The following SYNPO2 variants were observed in gnomAD, a reference collection of about 807,000 sequenced individuals.
SYNPO2 encodes the protein synaptopodin-2.
In SYNPO2, 56 loss-of-function variants were observed where a neutral mutation model predicts 85.0. That is an observed-to-expected ratio of 0.66 (90% CI 0.53 to 0.82). The LOEUF is 0.82. SYNPO2 is among the 40% of genes least tolerant of loss of function. SYNPO2 has a pLI of 0.00. For missense variants in SYNPO2, 1,575 were observed against 1,534.2 expected, an observed-to-expected ratio of 1.03 and a Z score of -0.44; for synonymous variants, 602 against 591.1, an observed-to-expected ratio of 1.02 and a Z score of -0.27.
chr4:118,887,576 T>C (rs551926849), upstream of SYNPO2, among the ~76,000 whole-genome samples: 2 of 152,312 alleles, frequency 1.3e-5, no homozygotes, highest in South Asian at 4.1e-4. Context: ...TCCATGATTA[T>C]CTTGTTTTTA....
intron 1 of SYNPO2, among the ~76,000 whole-genome samples, chr4:118,949,222 G>A (rs1339040055): frequency 6.6e-6 from 1 of 152,084 alleles, no homozygotes; most frequent in Admixed American, 6.5e-5. Context: ...ACAGTTATAC[G>A]GCAGATCCGA....
chr4:118,946,035 C>A (rs567948227), intron 1 of SYNPO2, among the ~76,000 whole-genome samples: 27 of 152,282 alleles, frequency 1.8e-4, no homozygotes, highest in Non-Finnish European at 3.4e-4. Flanking sequence ...TGAGCCACCA[C>A]GCCTGGCCAA....
Position 119,030,766 on chromosome 4 carries a change from C to G in SYNPO2, c.1991C>G (p.Ser664Cys), listed in dbSNP as rs1578660627. The change falls in exon 4 of 5, where the codon TCT becomes TGT. Residue 664 changes from serine (S) to cysteine (C), a missense_variant. Transcript: ENST00000307142. Reference protein sequence around the residue: ...PWSQPAFYDSSERIASRDERI... With the variant: ...PWSQPAFYDSCERIASRDERI... Reference sequence around the variant, plus strand: ...TCCCAGCCAGCCTTTTACGATTCGTCTGAGCGAATAGCTTCCCGAGATGAG... The same window carrying G: ...TCCCAGCCAGCCTTTTACGATTCGTGTGAGCGAATAGCTTCCCGAGATGAG... The G allele has an allele frequency of 6.2e-7, 1 of 1,614,178 alleles. No homozygotes were observed. Among genetic ancestry groups the G allele is most frequent in the Middle Eastern group, 1.6e-4 (1 of 6,062 alleles).
chr4:118,920,614 G>A (rs755181893), intron 1 of SYNPO2, among the ~76,000 whole-genome samples: 1 of 152,136 alleles, frequency 6.6e-6, no homozygotes, highest in Non-Finnish European at 1.5e-5. Context: ...AAACTGTAAA[G>A]TAATTTAACC....
chr4:119,011,164 C>T (rs1223139002), intron 1 of SYNPO2, among the ~76,000 whole-genome samples: 1 of 152,246 alleles, frequency 6.6e-6, no homozygotes, highest in Non-Finnish European at 1.5e-5. Flanking sequence ...TTGGAAATCA[C>T]TGCCACAGCC....
chr4:118,957,007 T>C (rs1417223328), intron 1 of SYNPO2, among the ~76,000 whole-genome samples: 6 of 151,454 alleles, frequency 4.0e-5, no homozygotes. Context: ...ATTGCACCAG[T>C]ACACTCCAGC....
At chr4:118,973,751 A>C (rs561522954) in intron 1 of SYNPO2, among the ~76,000 whole-genome samples, 1 of 152,132 alleles carries the variant, frequency 6.6e-6, no homozygotes, top group Admixed American at 6.5e-5. Flanking sequence ...TTTCCTAACC[A>C]CAATTTTGGA....
In SYNPO2 at chr4:118,959,271, G is replaced by T. The variant is rs527854257; in HGVS notation, c.106-64159G>T. Among the ~76,000 whole-genome samples, 3 of 152,284 alleles carry T rather than the reference G, an allele frequency of 2.0e-5. No homozygotes were observed. The South Asian group carries it at 6.2e-4, about 32-fold the overall frequency. On this transcript the variant is annotated intron_variant, in intron 1 of 4. Coordinates refer to ENST00000307142, the MANE Select transcript of SYNPO2 (RefSeq NM_133477.3). Reference sequence around the variant, plus strand: ...TTCACTGACCAATCACGGAGGTTTGGATCCTAAACTTAACTTTGAACGTTT... The same window carrying T: ...TTCACTGACCAATCACGGAGGTTTGTATCCTAAACTTAACTTTGAACGTTT...
chr4:119,009,576 A>G (rs962577058), intron 1 of SYNPO2, among the ~76,000 whole-genome samples: 1 of 152,152 alleles, frequency 6.6e-6, no homozygotes, highest in South Asian at 2.1e-4. Context: ...ATATTTTCCT[A>G]AAGTATTTTA....
chr4:118,851,441 T>C (rs11943114), intron 1 of SYNPO2, among the ~76,000 whole-genome samples: 82,376 of 151,166 alleles, frequency 0.54, 24,199 homozygotes, highest in African/African-American at 0.76. Flanking sequence ...GAGCCGAGAT[T>C]GCACCATTGC....
At chr4:118,999,431 C>T (rs533440159) in intron 1 of SYNPO2, among the ~76,000 whole-genome samples, 15 of 152,168 alleles carry the variant, frequency 9.9e-5, no homozygotes, top group East Asian at 1.9e-4. Flanking sequence ...GAATTATAGG[C>T]GTGAACCATG....
chr4:119,027,017 G>A lies in SYNPO2; in HGVS notation c.648G>A (p.Val216=), dbSNP rs1422092850. The change falls in exon 3 of 5, where the codon GTG becomes GTA. Residue 216 remains valine, a synonymous_variant. Coordinates refer to ENST00000307142, the MANE Select transcript of SYNPO2 (RefSeq NM_133477.3). ...ERHKGASGPL[V]ALPGAEKSKS... is the part of the protein sequence containing the mutation. ...ATAAGGGCGCTAGTGGCCCTTTAGTGGCTCTCCCGGGAGCTGAAAAATCTA... is the reference window on the plus strand; with the variant it reads ...ATAAGGGCGCTAGTGGCCCTTTAGTAGCTCTCCCGGGAGCTGAAAAATCTA... 9.9e-6 allele frequency: 16 copies of A among 1,614,152 alleles called. No homozygotes were observed. The highest frequency in any genetic ancestry group is 1.3e-5 in the Non-Finnish European group (15 of 1,180,028).
At chr4:118,908,709 A>T (rs1265480076) in intron 1 of SYNPO2, among the ~76,000 whole-genome samples, 1 of 152,176 alleles carries the variant, frequency 6.6e-6, no homozygotes, top group Non-Finnish European at 1.5e-5. Flanking sequence ...GGTTGTGCAC[A>T]TGATAAAGCC....
At chr4:118,881,984 C>G (rs1051884648) in intron 1 of SYNPO2, among the ~76,000 whole-genome samples, 1 of 152,180 alleles carries the variant, frequency 6.6e-6, no homozygotes, top group Non-Finnish European at 1.5e-5. Context: ...AAGTGTTTAT[C>G]CATCCTGTTG....
At position 119,027,437 on chromosome 4, in the gene SYNPO2, A is replaced by G. The variant is rs137938917; in HGVS notation, c.1068A>G (p.Ala356=). ...SRPHKHRARH[A]RLRRSESLSE... is the part of the protein sequence containing the mutation. ...CTCACAAGCACCGAGCGCGGCATGC[A>G]CGTAAGTTCTGCCTGGGCTTTCAGA... is the stretch of plus-strand genomic sequence containing the variant. Residue 356 remains alanine (A), a splice_region_variant and synonymous_variant, in exon 3 of 5, where the codon GCA becomes GCG. Coordinates refer to ENST00000307142, the MANE Select transcript of SYNPO2 (RefSeq NM_133477.3). 14 of 1,582,750 alleles carry G rather than the reference A, an allele frequency of 8.8e-6. No individual in the cohort carries two copies. Among genetic ancestry groups the G allele is most frequent in the Middle Eastern group, 2.2e-4 (1 of 4,536 alleles).
chr4:119,010,529 T>C (rs1257157563), intron 1 of SYNPO2, among the ~76,000 whole-genome samples: 2 of 152,224 alleles, frequency 1.3e-5, no homozygotes, highest in African/African-American at 4.8e-5. Context: ...GTGGGAATTA[T>C]GGTAGTACAA....
intron 1 of SYNPO2, among the ~76,000 whole-genome samples, chr4:118,934,291 C>T (rs778097898): frequency 4.6e-5 from 7 of 152,144 alleles, no homozygotes; most frequent in South Asian, 2.1e-4. Context: ...CTACTAGTCT[C>T]GTGATGTGAT....
intron 1 of SYNPO2, among the ~76,000 whole-genome samples, chr4:118,922,672 G>C (rs962442804): frequency 1.3e-4 from 19 of 150,922 alleles, no homozygotes; most frequent in Admixed American, 1.3e-3. Flanking sequence ...AGAGGGTTAA[G>C]GTAACAGCCT....
chr4:119,059,166 A>T lies in SYNPO2; in HGVS notation c.*1232A>T, dbSNP rs1278844020. The T allele has an allele frequency of 6.6e-6, 1 of 152,258 alleles. No homozygotes were observed. Among genetic ancestry groups the T allele is most frequent in the African/African-American group, 2.4e-5 (1 of 41,476 alleles). The allele number at this position is 152,258 out of a possible 1,614,324, so 9.4% of individuals were successfully genotyped here. On this transcript the variant is annotated 3_prime_UTR_variant, in exon 5 of 5. Transcript: ENST00000307142. ...TTAGTGTCACTACATGTATCATTAA[A>T]GGTCCTAAAAGGAATTGTTAGGCGG...
Sources: allele counts gnomAD v4.1 joint callset (sites outside exome capture counted in the v4.1 genomes callset), GRCh38; gene constraint gnomAD v4.1.1; transcripts MANE v1.5; gene names NCBI Gene and HGNC (gene_info 2026-07-23, HGNC 2026-07-21).